The following KIF4B variants were observed in gnomAD, a reference collection of about 807,000 sequenced individuals.
The protein encoded by KIF4B is chromosome-associated kinesin KIF4B.
In KIF4B, 60 loss-of-function variants were observed where a neutral mutation model predicts 69.0. The observed-to-expected ratio is 0.87, with a 90% confidence interval of 0.71 to 1.08. The LOEUF is 1.08. KIF4B is among the 50% of genes least tolerant of loss of function. KIF4B has a pLI of 0.00. For missense variants in KIF4B, 1,357 were observed against 1,451.9 expected, an observed-to-expected ratio of 0.93 and a Z score of 1.06; for synonymous variants, 489 against 533.0, an observed-to-expected ratio of 0.92 and a Z score of 1.14.
At position 155,015,274 on chromosome 5, in the gene KIF4B, T is replaced by A; in HGVS notation, c.1415T>A (p.Leu472Gln). Reference protein sequence around the residue: ...NVEIICNLQQLITQLSDETVA... With the variant: ...NVEIICNLQQQITQLSDETVA... ...GAGATAATTTGTAACCTGCAGCAAC[T>A]GATTACCCAGTTATCAGATGAAACT... Residue 472 changes from leucine to glutamine, a missense_variant, in exon 1 of 1, where the codon CTG becomes CAG. Transcript: ENST00000435029. The A allele has an allele frequency of 6.2e-7, 1 of 1,614,186 alleles. No homozygotes were observed. Among genetic ancestry groups the A allele is most frequent in the Non-Finnish European group, 8.5e-7 (1 of 1,180,036 alleles).
rs955697088 is a variant in KIF4B at position 155,017,630 on chromosome 5, G to A, written c.*66G>A. On this transcript the variant is annotated 3_prime_UTR_variant, in exon 1 of 1. Transcript: ENST00000435029. ...ATGCTTTCCAGTTGCAGCCAGAAGGGGTTTTTTAAATGACTTCTCTGGATT... is the reference window on the plus strand; with the variant it reads ...ATGCTTTCCAGTTGCAGCCAGAAGGAGTTTTTTAAATGACTTCTCTGGATT... 2.3e-5 allele frequency: 35 copies of A among 1,519,490 alleles called. No homozygotes were observed. Among genetic ancestry groups the A allele is most frequent in the Non-Finnish European group, 3.1e-5 (35 of 1,139,544 alleles). 94.1% of individuals were successfully genotyped at this position (1,519,490 alleles called of 1,614,324 possible).
In KIF4B at chr5:155,013,774, T is replaced by TA; in HGVS notation, c.-83dup. 2 of 1,566,676 alleles carry TA rather than the reference T, an allele frequency of 1.3e-6. No homozygotes were observed. Among genetic ancestry groups the TA allele is most frequent in the Non-Finnish European group, 1.7e-6 (2 of 1,156,046 alleles). On this transcript the variant is annotated 5_prime_UTR_variant, in exon 1 of 1. Transcript: ENST00000435029. ...TGGGAGGGATTTGAAACTTGGCGGT[T>TA]AAAGCTCCGGCTGGGACAGGGCGGC...
rs753204319 is a variant in KIF4B at position 155,016,670 on chromosome 5, G to T, written c.2811G>T (p.Gln937His). The T allele has an allele frequency of 3.3e-5, 54 of 1,614,220 alleles. No homozygotes were observed. The South Asian group carries it at 5.3e-4, about 16-fold the overall frequency. ...HQEKVLYLVS[Q>H]LQESQMAEKQ... The stretch of plus-strand genomic sequence containing the variant: ...AGAAGGTGCTATACCTTGTCAGCCA[G>T]CTGCAGGAAAGCCAAATGGCAGAGA... The change falls in exon 1 of 1, where the codon CAG (glutamine) becomes CAT (histidine). Residue 937 changes from glutamine (Q) to histidine (H), a missense_variant. Gln to His is a conservative substitution (Grantham distance 24). Transcript: ENST00000435029.
At position 155,016,921 on chromosome 5, in the gene KIF4B, T is replaced by G. The variant is rs1428550149; in HGVS notation, c.3062T>G (p.Ile1021Ser). 3.7e-6 allele frequency: 6 copies of G among 1,614,102 alleles called. No individual in the cohort carries two copies. The highest frequency in any genetic ancestry group is 5.1e-6 in the Non-Finnish European group (6 of 1,180,040). ...LLSPDSSFEY[I>S]PPKPKPSRVK... is the part of the protein sequence containing the mutation. ...TCTCCAGACTCTTCTTTTGAATATATCCCACCTAAGCCAAAACCTTCTCGT... is the reference window on the plus strand; with the variant it reads ...TCTCCAGACTCTTCTTTTGAATATAGCCCACCTAAGCCAAAACCTTCTCGT... The change falls in exon 1 of 1, where the codon ATC becomes AGC. Residue 1021 changes from isoleucine (I) to serine (S), a missense_variant. Coordinates refer to ENST00000435029, the MANE Select transcript of KIF4B (RefSeq NM_001099293.3).
rs1561755659 is a variant in KIF4B, at chr5:155,014,518, T to C, written c.659T>C (p.Ile220Thr). The change falls in exon 1 of 1, where the codon ATA (isoleucine) becomes ACA (threonine). Residue 220 changes from isoleucine (I) to threonine (T), a missense_variant. Coordinates refer to ENST00000435029, the MANE Select transcript of KIF4B (RefSeq NM_001099293.3). ...TCTCATGCCATCTTTACAATCTCCA[T>C]AGAGCAAAGAAAGAAAAGTGACAAG... ...SRSHAIFTIS[I>T]EQRKKSDKNC... The C allele has an allele frequency of 2.5e-6, 4 of 1,614,036 alleles. No individual in the cohort carries two copies. Among genetic ancestry groups the C allele is most frequent in the East Asian group, 4.5e-5 (2 of 44,880 alleles).
At position 155,014,613 on chromosome 5, in the gene KIF4B, G is replaced by T; in HGVS notation, c.754G>T (p.Ala252Ser). 6.2e-7 allele frequency: 1 copy of T among 1,614,144 alleles called. No individual in the cohort carries two copies. The highest frequency in any genetic ancestry group is 8.5e-7 in the Non-Finnish European group (1 of 1,180,024). The change falls in exon 1 of 1, where the codon GCT (alanine) becomes TCT (serine). Residue 252 changes from alanine to serine, a missense_variant. Ala to Ser is a moderately conservative substitution (Grantham distance 99). Transcript: ENST00000435029. The stretch of plus-strand genomic sequence containing the variant: ...ATCAGAAAGACAGAAGAAAACCAAG[G>T]CTGAAGGGGATCGTCTAAAAGAGGG... Reference protein sequence around the residue: ...AGSERQKKTKAEGDRLKEGIN... With the variant: ...AGSERQKKTKSEGDRLKEGIN...
In KIF4B at chr5:155,014,193, G is replaced by A. The variant is rs137888317; in HGVS notation, c.334G>A (p.Val112Ile). Reference protein sequence around the residue: ...YTAEQENEPTVGIIPRVIQLL... With the variant: ...YTAEQENEPTIGIIPRVIQLL... ...TGCGGAGCAGGAGAATGAACCAACAGTTGGCATTATTCCTAGGGTAATACA... is the reference window on the plus strand; with the variant it reads ...TGCGGAGCAGGAGAATGAACCAACAATTGGCATTATTCCTAGGGTAATACA... The change falls in exon 1 of 1, where the codon GTT becomes ATT. Residue 112 changes from valine to isoleucine, a missense_variant. Coordinates refer to ENST00000435029, the MANE Select transcript of KIF4B (RefSeq NM_001099293.3). The A allele has an allele frequency of 6.8e-6, 11 of 1,614,252 alleles. No individual in the cohort carries two copies. The highest frequency in any genetic ancestry group is 1.6e-4 in the Middle Eastern group (1 of 6,062).
Position 155,016,858 on chromosome 5 carries a change from C to T in KIF4B, c.2999C>T (p.Ala1000Val), listed in dbSNP as rs1486644509. ...IKQKLILLQV[A>V]SRQKHLPNDT... ...CAGAAACTGATCCTCCTCCAGGTAG[C>T]CAGCAGACAGAAACATCTTCCTAAT... Residue 1000 changes from alanine to valine, a missense_variant, in exon 1 of 1, where the codon GCC becomes GTC. Transcript: ENST00000435029. 1 of 1,614,186 alleles carries T rather than the reference C, an allele frequency of 6.2e-7. No individual in the cohort carries two copies. Among genetic ancestry groups the T allele is most frequent in the Non-Finnish European group, 8.5e-7 (1 of 1,180,038 alleles).
rs753391654 is a variant in KIF4B at position 155,014,626 on chromosome 5, G to T, written c.767G>T (p.Arg256Leu). 2 of 1,614,034 alleles carry T rather than the reference G, an allele frequency of 1.2e-6. No individual in the cohort carries two copies. The highest frequency in any genetic ancestry group is 1.1e-5 in the South Asian group (1 of 91,086). Reference sequence around the variant, plus strand: ...AAGAAAACCAAGGCTGAAGGGGATCGTCTAAAAGAGGGTATTAATATTAAC... The same window carrying T: ...AAGAAAACCAAGGCTGAAGGGGATCTTCTAAAAGAGGGTATTAATATTAAC... ...RQKKTKAEGD[R>L]LKEGININRG... Residue 256 changes from arginine to leucine, a missense_variant, in exon 1 of 1, where the codon CGT becomes CTT. Physicochemically the swap from Arg to Leu is moderately radical, Grantham distance 102 (BLOSUM62 -2). Coordinates refer to ENST00000435029, the MANE Select transcript of KIF4B (RefSeq NM_001099293.3).
chr5:155,017,670 G>A lies in KIF4B; in HGVS notation c.*106G>A, dbSNP rs557366735. The A allele has an allele frequency of 1.3e-4, 193 of 1,462,974 alleles. No homozygotes were observed. In the African/African-American group the frequency reaches 1.7e-3, roughly 13 times the overall value. 90.6% of individuals were successfully genotyped at this position (1,462,974 alleles called of 1,614,324 possible). ...TTCTCTGGATTTCAGGTTTCTTGCC[G>A]TTGAAAAAAAGGAACAAAGCATTAC... On this transcript the variant is annotated 3_prime_UTR_variant, in exon 1 of 1. Coordinates refer to ENST00000435029, the MANE Select transcript of KIF4B (RefSeq NM_001099293.3).
In KIF4B at chr5:155,016,666, G is replaced by T. The variant is rs765867352; in HGVS notation, c.2807G>T (p.Ser936Ile). The T allele has an allele frequency of 1.9e-6, 3 of 1,614,244 alleles. No homozygotes were observed. The highest frequency in any genetic ancestry group is 2.5e-6 in the Non-Finnish European group (3 of 1,180,044). Residue 936 changes from serine to isoleucine, a missense_variant, in exon 1 of 1, where the codon AGC (serine) becomes ATC (isoleucine). Transcript: ENST00000435029. ...QHQEKVLYLV[S>I]QLQESQMAEK... Reference sequence around the variant, plus strand: ...CAAGAGAAGGTGCTATACCTTGTCAGCCAGCTGCAGGAAAGCCAAATGGCA... The same window carrying T: ...CAAGAGAAGGTGCTATACCTTGTCATCCAGCTGCAGGAAAGCCAAATGGCA...
Position 155,013,828 on chromosome 5 carries a change from C to G in KIF4B, c.-32C>G, listed in dbSNP as rs535388383. 6.2e-7 allele frequency: 1 copy of G among 1,609,522 alleles called. No individual in the cohort carries two copies. Among genetic ancestry groups the G allele is most frequent in the African/African-American group, 1.3e-5 (1 of 74,956 alleles). ...AGACCCCGGGTGAACGGGGAAGGGA[C>G]ATTTAGTTTGAGACGGTGCTGAGAT... On this transcript the variant is annotated 5_prime_UTR_variant, in exon 1 of 1. Coordinates refer to ENST00000435029, the MANE Select transcript of KIF4B (RefSeq NM_001099293.3).
At position 155,013,914 on chromosome 5, in the gene KIF4B, C is replaced by A; in HGVS notation, c.55C>A (p.Leu19Met). 4 of 1,614,224 alleles carry A rather than the reference C, an allele frequency of 2.5e-6. No individual in the cohort carries two copies. The highest frequency in any genetic ancestry group is 3.4e-6 in the Non-Finnish European group (4 of 1,180,052). Residue 19 changes from leucine (L) to methionine (M), a missense_variant, in exon 1 of 1, where the codon CTG becomes ATG. By Grantham distance (15) the Leu-to-Met change is conservative. Transcript: ENST00000435029. Reference protein sequence around the residue: ...PVRVALRCRPLVPKEISEGCQ... With the variant: ...PVRVALRCRPMVPKEISEGCQ... The stretch of plus-strand genomic sequence containing the variant: ...AAGAGTGGCACTGCGTTGTCGCCCT[C>A]TGGTCCCCAAAGAGATTAGCGAGGG...
chr5:155,015,771 C>A lies in KIF4B; in HGVS notation c.1912C>A (p.Gln638Lys), dbSNP rs774144616. 3.6e-5 allele frequency: 58 copies of A among 1,613,952 alleles called. 1 individual carries two copies. The highest frequency in any genetic ancestry group is 4.8e-5 in the Non-Finnish European group (57 of 1,180,032). Residue 638 changes from glutamine to lysine, a missense_variant, in exon 1 of 1, where the codon CAA becomes AAA. By Grantham distance (53) the Gln-to-Lys change is moderately conservative (BLOSUM62 1). Coordinates refer to ENST00000435029, the MANE Select transcript of KIF4B (RefSeq NM_001099293.3). Reference sequence around the variant, plus strand: ...AGAGCGTACTGTCTCCAAGCTGAACCAAGAGATATGGATGATGAAAAACCA... The same window carrying A: ...AGAGCGTACTGTCTCCAAGCTGAACAAAGAGATATGGATGATGAAAAACCA... ...STERTVSKLN[Q>K]EIWMMKNQRV...
Position 155,017,204 on chromosome 5 carries a change from C to A in KIF4B, c.3345C>A (p.Asp1115Glu). Residue 1115 changes from aspartate to glutamate, a missense_variant, in exon 1 of 1, where the codon GAC becomes GAA. Coordinates refer to ENST00000435029, the MANE Select transcript of KIF4B (RefSeq NM_001099293.3). The part of the protein sequence containing the change: ...KSDCGVDCSC[D>E]PTKCRNRQQG... ...ACTGTGGTGTGGACTGTAGCTGTGA[C>A]CCCACAAAGTGTCGGAACCGCCAGC... The A allele has an allele frequency of 1.9e-6, 3 of 1,614,134 alleles. No individual in the cohort carries two copies. The highest frequency in any genetic ancestry group is 2.5e-6 in the Non-Finnish European group (3 of 1,180,032).
chr5:155,017,685 C>A lies in KIF4B; in HGVS notation c.*121C>A. ...GTTTCTTGCCGTTGAAAAAAAGGAA[C>A]AAAGCATTACTAAAAAGAAGGTAAC... is the stretch of plus-strand genomic sequence containing the variant. On this transcript the variant is annotated 3_prime_UTR_variant, in exon 1 of 1. Coordinates refer to ENST00000435029, the MANE Select transcript of KIF4B (RefSeq NM_001099293.3). The A allele has an allele frequency of 1.4e-6, 2 of 1,437,286 alleles. No homozygotes were observed. Among genetic ancestry groups the A allele is most frequent in the Admixed American group, 2.8e-5 (1 of 35,250 alleles). The allele number at this position is 1,437,286 out of a possible 1,614,324, so 89.0% of individuals were successfully genotyped here.
rs746722363 is a variant in KIF4B at position 155,014,696 on chromosome 5, T to G, written c.837T>G (p.Asp279Glu). Residue 279 changes from aspartate to glutamate, a missense_variant, in exon 1 of 1, where the codon GAT becomes GAG. Coordinates refer to ENST00000435029, the MANE Select transcript of KIF4B (RefSeq NM_001099293.3). ...GAAATGTAATCAGTGCTCTTGGAGA[T>G]GACAAAAAGGGTAGCTTTGTGCCCT... ...CLGNVISALG[D>E]DKKGSFVPYR... is the part of the protein sequence containing the mutation. The G allele has an allele frequency of 1.9e-6, 3 of 1,614,090 alleles. No homozygotes were observed. In the South Asian group the frequency reaches 3.3e-5, roughly 18 times the overall value.
At position 155,017,041 on chromosome 5, in the gene KIF4B, A is replaced by T; in HGVS notation, c.3182A>T (p.Asp1061Val). 6.2e-7 allele frequency: 1 copy of T among 1,614,226 alleles called. No homozygotes were observed. The highest frequency in any genetic ancestry group is 8.5e-7 in the Non-Finnish European group (1 of 1,180,030). The change falls in exon 1 of 1, where the codon GAT (aspartate) becomes GTT (valine). Residue 1061 changes from aspartate (D) to valine (V), a missense_variant. Coordinates refer to ENST00000435029, the MANE Select transcript of KIF4B (RefSeq NM_001099293.3). ...AATGAGCATGAAGATGGTGATGGTG[A>T]TGGCGACAGTGATGAGGGGGATGAT... ...SVNEHEDGDG[D>V]GDSDEGDDEE... is the part of the protein sequence containing the mutation.
Position 155,016,017 on chromosome 5 carries a change from A to G in KIF4B, c.2158A>G (p.Lys720Glu). The change falls in exon 1 of 1, where the codon AAA becomes GAA. Residue 720 changes from lysine to glutamate, a missense_variant. By Grantham distance (56) the Lys-to-Glu change is moderately conservative (BLOSUM62 1). Transcript: ENST00000435029. ...ANKRLKDALQ[K>E]QREVTDKRKE... The stretch of plus-strand genomic sequence containing the variant: ...CAAGCGACTCAAGGATGCTCTCCAG[A>G]AACAACGAGAGGTCACAGATAAGCG... 6.2e-7 allele frequency: 1 copy of G among 1,614,208 alleles called. No homozygotes were observed. Among genetic ancestry groups the G allele is most frequent in the Non-Finnish European group, 8.5e-7 (1 of 1,180,034 alleles).
Sources: gnomAD v4.1 joint callset for allele counts on GRCh38, gnomAD v4.1.1 for gene constraint, MANE v1.5 for transcripts, NCBI Gene and HGNC (gene_info 2026-07-23, HGNC 2026-07-21) for gene names.